SULF1: variants seen among roughly 807,000 people sequenced by gnomAD.
SULF1 encodes the protein extracellular sulfatase Sulf-1.
A neutral mutation model predicts 110.5 loss-of-function variants in SULF1; 46 were observed. The ratio of observed to expected loss-of-function variants is 0.42; its 90% CI spans 0.33 to 0.53. The LOEUF (loss-of-function observed/expected upper bound fraction) is 0.53. Among genes scored for constraint, SULF1 ranks in the 20% least tolerant of loss-of-function variants. The pLI, the probability that SULF1 is intolerant of heterozygous loss-of-function variation, is 0.12. For synonymous variants in SULF1, 371 were observed against 387.1 expected (o/e 0.96, Z 0.49); for missense variants, 941 against 1,094.2 (o/e 0.86, Z 1.98).
At chr8:69,611,462 A>T (rs1381159126) in intron 13 of SULF1, among the ~76,000 whole-genome samples, 2 of 152,204 alleles carry the variant, frequency 1.3e-5, no homozygotes, top group Non-Finnish European at 2.9e-5. Flanking sequence ...CATCTCAAAG[A>T]AAACAGGCCA....
intron 3 of SULF1, among the ~76,000 whole-genome samples, chr8:69,502,945 C>T (rs549431622): frequency 1.3e-5 from 2 of 152,114 alleles, no homozygotes; most frequent in South Asian, 2.1e-4. Context: ...CCTCAGCCTC[C>T]TAAATGGCCG....
chr8:69,495,592 G>C (rs1810291617), intron 1 of SULF1, among the ~76,000 whole-genome samples, 173 bp from the exon 2 acceptor site: 1 of 152,144 alleles, frequency 6.6e-6, no homozygotes, highest in Non-Finnish European at 1.5e-5. Context: ...CCATGTCTAG[G>C]GCAGTCTTGC....
intron 19 of SULF1, 116 bp from the exon 20 acceptor site, chr8:69,638,386 A>G (rs1811214582): frequency 2.5e-6 from 3 of 1,214,912 alleles, no homozygotes; most frequent in Admixed American, 5.6e-5. Flanking sequence ...CACAATATTT[A>G]TAAGAAAGAA....
rs192637317 is a variant in SULF1, at chr8:69,471,223, G to C, written c.-391+4273G>C. ...GCTTCTTTATTCCTTGACTTCTCAGGTGGAGTGACAGGGACTGGCCTGGTC... is the reference window on the plus strand; with the variant it reads ...GCTTCTTTATTCCTTGACTTCTCAGCTGGAGTGACAGGGACTGGCCTGGTC... On this transcript the variant is annotated intron_variant, in intron 1 of 22. Transcript: ENST00000260128. 2.4e-3 allele frequency among the ~76,000 whole-genome samples: 364 copies of C among 152,136 alleles called. 2 individuals are homozygous for C. Among genetic ancestry groups the C allele is most frequent in the African/African-American group, 8.5e-3 (352 of 41,486 alleles).
intron 13 of SULF1, among the ~76,000 whole-genome samples, chr8:69,614,433 A>T (rs571509509): frequency 6.6e-6 from 1 of 152,254 alleles, no homozygotes; most frequent in African/African-American, 2.4e-5. Context: ...AAAAATTCAT[A>T]AAGAGTGCTC....
At chr8:69,602,410 T>G (rs1191645650) in intron 10 of SULF1, among the ~76,000 whole-genome samples, 1 of 152,214 alleles carries the variant, frequency 6.6e-6, no homozygotes, top group African/African-American at 2.4e-5. Flanking sequence ...CAGGATGTTT[T>G]GAATAAAATG....
intron 21 of SULF1, among the ~76,000 whole-genome samples, chr8:69,639,076 T>C (rs1811268732): frequency 6.6e-6 from 1 of 152,220 alleles, no homozygotes; most frequent in Non-Finnish European, 1.5e-5. Flanking sequence ...GAGCATTTCC[T>C]TCCAATATCT....
intron 6 of SULF1, among the ~76,000 whole-genome samples, chr8:69,581,755 T>G (rs1451488590): frequency 2.0e-5 from 3 of 152,252 alleles, no homozygotes; most frequent in East Asian, 1.9e-4. Context: ...GATAATCAAT[T>G]GCAGAGCGCC....
In SULF1 at chr8:69,586,925, T is replaced by C. The variant is rs147262411; in HGVS notation, c.564+417T>C. Among the ~76,000 whole-genome samples, 213 of 152,308 alleles carry C rather than the reference T, an allele frequency of 1.4e-3. 1 individual carries two copies. Among genetic ancestry groups the C allele is most frequent in the African/African-American group, 4.8e-3 (200 of 41,584 alleles). On this transcript the variant is annotated intron_variant, in intron 7 of 22. Transcript: ENST00000402687. Reference sequence around the variant, plus strand: ...ATTTAGGCACAAGCATAAGAGCAAATAAATATGATAATTAAAGTTTGAAAA... The same window carrying C: ...ATTTAGGCACAAGCATAAGAGCAAACAAATATGATAATTAAAGTTTGAAAA...
At chr8:69,571,036 G>A (rs1469168735) in intron 5 of SULF1, among the ~76,000 whole-genome samples, 1 of 152,186 alleles carries the variant, frequency 6.6e-6, no homozygotes, top group African/African-American at 2.4e-5. Context: ...AATGAAGTTG[G>A]GCTTTTTGCT....
intron 8 of SULF1, among the ~76,000 whole-genome samples, chr8:69,590,036 A>G (rs1806777721): frequency 6.6e-6 from 1 of 152,196 alleles, no homozygotes; most frequent in Non-Finnish European, 1.5e-5. Flanking sequence ...CTTAAATATC[A>G]TCTCTTTTCA....
chr8:69,588,856 C>A, intron 7 of SULF1, 116 bp from the exon 8 acceptor site: 1 of 996,602 alleles, frequency 1.0e-6, no homozygotes, highest in Non-Finnish European at 1.5e-6. Flanking sequence ...TTCCTTCCTG[C>A]TGTAGACCTT....
At chr8:69,564,564 G>C (rs1167493531) in intron 5 of SULF1, among the ~76,000 whole-genome samples, 1 of 152,226 alleles carries the variant, frequency 6.6e-6, no homozygotes, top group African/African-American at 2.4e-5. Context: ...ATTAGTATTA[G>C]AGTGGATTAC....
chr8:69,601,668 C>T lies in SULF1; in HGVS notation c.900C>T (p.Leu300=), dbSNP rs761541807. Residue 300 remains leucine (L), a synonymous_variant, in exon 10 of 23, where the codon CTC becomes CTT. Coordinates refer to ENST00000402687, the MANE Select transcript of SULF1 (RefSeq NM_001128205.2). The stretch of plus-strand genomic sequence containing the variant: ...CTGTATTTCAGCTGTATAACATGCT[C>T]GTGGAGACGGGGGAGCTGGAGAATA... ...DDSVERLYNM[L]VETGELENTY... is the part of the protein sequence containing the mutation. 5 of 1,610,082 alleles carry T rather than the reference C, an allele frequency of 3.1e-6. No homozygotes were observed. Among genetic ancestry groups the T allele is most frequent in the African/African-American group, 2.7e-5 (2 of 74,920 alleles).
chr8:69,549,249 G>A (rs1475738230), intron 3 of SULF1, among the ~76,000 whole-genome samples: 2 of 152,084 alleles, frequency 1.3e-5, no homozygotes, highest in African/African-American at 4.8e-5. Flanking sequence ...TTTTTTTGTT[G>A]TGAGCTTTAA....
chr8:69,494,884 G>GA (rs59596365), intron 1 of SULF1, among the ~76,000 whole-genome samples: 9,096 of 109,636 alleles, frequency 0.083, 924 homozygotes, highest in African/African-American at 0.26. Flanking sequence ...TATCTCAAAG[G>GA]AAAAAAAAAA....
intron 22 of SULF1, among the ~76,000 whole-genome samples, chr8:69,654,850 T>C (rs539455319): frequency 6.6e-6 from 1 of 152,366 alleles, no homozygotes; most frequent in South Asian, 2.1e-4. Context: ...CCTGTTCTTA[T>C]GGAACTGTTA....
At chr8:69,648,461 A>T (rs1313926962) in intron 22 of SULF1, among the ~76,000 whole-genome samples, 2 of 152,156 alleles carry the variant, frequency 1.3e-5, no homozygotes, top group African/African-American at 4.8e-5. Flanking sequence ...TGATGCCATA[A>T]TGGAGGGGTT....
intron 1 of SULF1, among the ~76,000 whole-genome samples, chr8:69,482,286 T>C (rs986075921): frequency 6.6e-6 from 1 of 152,228 alleles, no homozygotes; most frequent in African/African-American, 2.4e-5. Context: ...TCTGAAGTTT[T>C]AAGTAATTTG....
Sources: allele counts gnomAD v4.1 joint callset (sites outside exome capture counted in the v4.1 genomes callset), GRCh38; gene constraint gnomAD v4.1.1; transcripts MANE v1.5; gene names NCBI Gene and HGNC (gene_info 2026-07-23, HGNC 2026-07-21).